The following WASF3 variants were observed in gnomAD, a reference collection of about 807,000 sequenced individuals.
WASF3 encodes the protein WASP family member 3, also known as actin-binding protein WASF3.
WASF3 carries 11 observed loss-of-function variants against 46.6 expected under a neutral mutation model. That is an observed-to-expected ratio of 0.24 (90% CI 0.15 to 0.39). The LOEUF is 0.39. Among genes scored for constraint, WASF3 ranks in the 10% least tolerant of loss-of-function variants. The probability of loss-of-function intolerance (pLI) is 1.00; values close to 1 mark genes in which losing one functional copy is unlikely to be tolerated. For missense variants in WASF3, 576 were observed against 669.8 expected (o/e 0.86, Z 1.55); for synonymous variants, 242 against 259.7 (o/e 0.93, Z 0.65).
rs140178145 is a variant in WASF3 at position 26,611,874 on chromosome 13, C to G, written c.-108-1087C>G. ...GTACTGTTAAAAGGATGGTTGCGGT[C>G]TTAACTATGTGAGTTCTTAGAATCT... On this transcript the variant is annotated intron_variant, in intron 1 of 9. Coordinates refer to ENST00000335327, the MANE Select transcript of WASF3 (RefSeq NM_006646.6). Among the ~76,000 whole-genome samples the G allele has an allele frequency of 1.1e-4, 17 of 150,610 alleles. No homozygotes were observed. The East Asian group carries it at 3.3e-3, about 29-fold the overall frequency.
At chr13:26,557,240 C>A (rs1318538353), upstream of WASF3, among the ~76,000 whole-genome samples, 2 of 152,184 alleles carry the variant, frequency 1.3e-5, no homozygotes, top group African/African-American at 4.8e-5. Context: ...GGGCTACAGT[C>A]CTCTCAGGGT....
At chr13:26,680,037 A>C in intron 7 of WASF3, 1 of 1,596,182 alleles carries the variant, frequency 6.3e-7, no homozygotes, top group Non-Finnish European at 8.5e-7. Flanking sequence ...TCCTTCAGAG[A>C]GAGAAACACA....
chr13:26,676,976 T>G (rs1487917080), intron 7 of WASF3, among the ~76,000 whole-genome samples: 1 of 152,240 alleles, frequency 6.6e-6, no homozygotes, highest in Non-Finnish European at 1.5e-5. Flanking sequence ...TTCATCTAGA[T>G]GTAGTGTTTT....
chr13:26,601,859 C>T (rs1880651761), intron 1 of WASF3, among the ~76,000 whole-genome samples: 1 of 152,220 alleles, frequency 6.6e-6, no homozygotes, highest in Non-Finnish European at 1.5e-5. Flanking sequence ...CTGTCATCTG[C>T]ATACACAAAT....
At chr13:26,550,911 A>G in the WASF3 span, among the ~76,000 whole-genome samples, 1 of 152,106 alleles carries the variant, frequency 6.6e-6, no homozygotes, top group African/African-American at 2.4e-5. Flanking sequence ...CAATCTTCCT[A>G]ACGCTGTCCC....
At chr13:26,623,579 G>A (rs66842841) in intron 2 of WASF3, among the ~76,000 whole-genome samples, 9,730 of 152,220 alleles carry the variant, frequency 0.064, 843 homozygotes, top group African/African-American at 0.19. Context: ...TCTGCTGCAT[G>A]AGGGACAGGA....
chr13:26,547,836 G>A, the WASF3 span, among the ~76,000 whole-genome samples: 1 of 152,142 alleles, frequency 6.6e-6, no homozygotes, highest in Non-Finnish European at 1.5e-5. Flanking sequence ...TGTCCACATT[G>A]AAATGAGTAA....
intron 1 of WASF3, among the ~76,000 whole-genome samples, chr13:26,570,768 G>C (rs188016192): frequency 2.7e-3 from 405 of 152,244 alleles, no homozygotes; most frequent in African/African-American, 8.5e-3. Context: ...GAATAACCTT[G>C]TGTATGTATT....
At chr13:26,613,447 G>T (rs1881038900) in intron 2 of WASF3, among the ~76,000 whole-genome samples, 1 of 152,048 alleles carries the variant, frequency 6.6e-6, no homozygotes, top group Non-Finnish European at 1.5e-5. Flanking sequence ...TAATGAATGG[G>T]TATGAGAAGT....
intron 7 of WASF3, 34 bp from the exon 8 acceptor site, chr13:26,681,020 T>C: frequency 6.4e-7 from 1 of 1,572,468 alleles, no homozygotes; most frequent in Admixed American, 1.8e-5. Flanking sequence ...TAAATTAATT[T>C]AAATTTCTCC....
chr13:26,670,049 A>T lies in WASF3; in HGVS notation c.423-1823A>T, dbSNP rs535579235. Among the ~76,000 whole-genome samples the T allele has an allele frequency of 3.3e-5, 5 of 152,336 alleles. No homozygotes were observed. In the East Asian group the frequency reaches 9.6e-4, roughly 29 times the overall value. Reference sequence around the variant, plus strand: ...ATAAATCATCCTACTATAAAGACACATGCACACGTATGTTTATTGCAGCAC... The same window carrying T: ...ATAAATCATCCTACTATAAAGACACTTGCACACGTATGTTTATTGCAGCAC... On this transcript the variant is annotated intron_variant, in intron 5 of 9. Transcript: ENST00000335327.
chr13:26,607,128 G>T (rs1880823911), intron 1 of WASF3, among the ~76,000 whole-genome samples: 1 of 152,170 alleles, frequency 6.6e-6, no homozygotes, highest in African/African-American at 2.4e-5. Context: ...TTAGGCATCT[G>T]CTGAGTGTCT....
intron 3 of WASF3, among the ~76,000 whole-genome samples, chr13:26,656,499 C>T (rs182857866): frequency 3.3e-5 from 5 of 152,116 alleles, no homozygotes; most frequent in African/African-American, 7.2e-5. Flanking sequence ...AATTTCATGT[C>T]GTGACTGACC....
chr13:26,594,709 A>G (rs777240230), intron 1 of WASF3, among the ~76,000 whole-genome samples: 1 of 152,072 alleles, frequency 6.6e-6, no homozygotes, highest in African/African-American at 2.4e-5. Context: ...GATCCTCCTT[A>G]TTTAACAGGG....
chr13:26,653,376 T>C (rs534251953), intron 3 of WASF3, among the ~76,000 whole-genome samples: 1 of 152,316 alleles, frequency 6.6e-6, no homozygotes, highest in South Asian at 2.1e-4. Context: ...CACAGCAAGA[T>C]TCCTTGAAGG....
intron 1 of WASF3, among the ~76,000 whole-genome samples, chr13:26,568,074 T>A (rs192081794): frequency 6.6e-6 from 1 of 151,920 alleles, no homozygotes; most frequent in Non-Finnish European, 1.5e-5. Flanking sequence ...GGTAGGGGGA[T>A]GCGTAGTGAC....
At chr13:26,639,632 T>TCC (rs1881934251) in intron 2 of WASF3, 1 of 152,196 alleles carries the variant, frequency 6.6e-6, no homozygotes, top group Non-Finnish European at 1.5e-5. Context: ...CGACATGTTG[T>TCC]CCCTTCCAAA....
chr13:26,584,044 C>A (rs989775722), intron 1 of WASF3, among the ~76,000 whole-genome samples: 2 of 152,214 alleles, frequency 1.3e-5, no homozygotes, highest in African/African-American at 2.4e-5. Context: ...GGTACCTCCC[C>A]CACCTCCCTG....
intron 3 of WASF3, among the ~76,000 whole-genome samples, chr13:26,657,102 A>T (rs932029759): frequency 6.6e-6 from 1 of 152,188 alleles, no homozygotes; most frequent in African/African-American, 2.4e-5. Context: ...TTGTGAGACA[A>T]AGTAACAAAA....
Sources: gnomAD v4.1 joint callset for allele counts (sites outside exome capture counted in the v4.1 genomes callset) on GRCh38, gnomAD v4.1.1 for gene constraint, MANE v1.5 for transcripts, NCBI Gene and HGNC (gene_info 2026-07-23, HGNC 2026-07-21) for gene names.